The following GPC5 variants were observed in gnomAD, a reference collection of about 807,000 sequenced individuals.
GPC5 encodes the protein glypican 5.
GPC5 carries 47 observed loss-of-function variants against 53.9 expected under a neutral mutation model. That is an observed-to-expected ratio of 0.87 (90% CI 0.69 to 1.11). The LOEUF (loss-of-function observed/expected upper bound fraction) is 1.11. GPC5 is among the 50% of genes most tolerant of loss of function. The probability of loss-of-function intolerance (pLI) is 0.00; values close to 1 mark genes in which losing one functional copy is unlikely to be tolerated. For missense variants in GPC5, 748 were observed against 713.1 expected (o/e 1.05, Z -0.56); for synonymous variants, 286 against 263.3 (o/e 1.09, Z -0.84).
At chr13:92,280,753 C>T (rs539643778) in intron 7 of GPC5, among the ~76,000 whole-genome samples, 24 of 152,028 alleles carry the variant, frequency 1.6e-4, no homozygotes, top group South Asian at 1.5e-3. Context: ...GAAAATATGA[C>T]GGGGTGCGGG....
At chr13:92,405,730 T>C (rs921081790) in intron 7 of GPC5, among the ~76,000 whole-genome samples, 1 of 152,198 alleles carries the variant, frequency 6.6e-6, no homozygotes, top group East Asian at 1.9e-4. Flanking sequence ...ATTTAAAATC[T>C]CTAGACTCTC....
intron 5 of GPC5, among the ~76,000 whole-genome samples, chr13:91,804,365 C>G (rs2038186603): frequency 6.6e-6 from 1 of 152,194 alleles, no homozygotes; most frequent in Non-Finnish European, 1.5e-5. Flanking sequence ...CACTCATGGT[C>G]CTTGCTCCCC....
intron 2 of GPC5, among the ~76,000 whole-genome samples, chr13:91,537,446 T>C (rs937657796): frequency 3.3e-5 from 5 of 152,256 alleles, no homozygotes; most frequent in South Asian, 2.1e-4. Flanking sequence ...AAACAACTCC[T>C]ACAAAGATGC....
intron 5 of GPC5, among the ~76,000 whole-genome samples, chr13:91,758,105 G>A (rs1323183957): frequency 6.6e-6 from 1 of 152,018 alleles, no homozygotes; most frequent in African/African-American, 2.4e-5. Flanking sequence ...ATAATTGGCT[G>A]ATATGACTAG....
intron 2 of GPC5, among the ~76,000 whole-genome samples, chr13:91,687,693 T>C (rs2035652466): frequency 6.6e-6 from 1 of 152,020 alleles, no homozygotes; most frequent in Non-Finnish European, 1.5e-5. Context: ...TATTCTGATA[T>C]CACTGGAAAG....
chr13:91,966,770 T>TA (rs1379606711), intron 6 of GPC5, among the ~76,000 whole-genome samples: 2 of 152,174 alleles, frequency 1.3e-5, no homozygotes, highest in Admixed American at 1.3e-4. Context: ...CTGATTCACT[T>TA]AAAAACTGAC....
At chr13:92,393,289 A>AG (rs1333885019) in intron 7 of GPC5, among the ~76,000 whole-genome samples, 1 of 152,184 alleles carries the variant, frequency 6.6e-6, no homozygotes, top group Non-Finnish European at 1.5e-5. Flanking sequence ...TTAAAAAAAA[A>AG]CTAATACAGG....
intron 7 of GPC5, among the ~76,000 whole-genome samples, chr13:92,754,640 CCAAG>C (rs1240085868): frequency 6.6e-6 from 1 of 150,958 alleles, no homozygotes; most frequent in Non-Finnish European, 1.5e-5. Flanking sequence ...GGAAGATCTA[CCAAG>C]CAAATGGAAA....
At position 91,504,738 on chromosome 13, in the gene GPC5, G is replaced by C. The variant is rs181956240; in HGVS notation, c.325+55816G>C. ...TTTGGGAGGCTGAGGGAAGAAGATT[G>C]TTTGAGGCCAAGAGTTTGAAACCAG... On this transcript the variant is annotated intron_variant, in intron 2 of 7. Transcript: ENST00000377067. 2.1e-3 allele frequency among the ~76,000 whole-genome samples: 325 copies of C among 152,146 alleles called. 1 individual carries two copies. The highest frequency in any genetic ancestry group is 7.6e-3 in the African/African-American group (316 of 41,518).
intron 6 of GPC5, among the ~76,000 whole-genome samples, chr13:92,051,990 A>G (rs1395613593): frequency 6.6e-6 from 1 of 152,208 alleles, no homozygotes; most frequent in Non-Finnish European, 1.5e-5. Context: ...GCAAATGATC[A>G]ATTTTGAAAT....
chr13:92,471,158 A>G (rs186353661), intron 7 of GPC5, among the ~76,000 whole-genome samples: 30 of 152,268 alleles, frequency 2.0e-4, no homozygotes, highest in African/African-American at 7.2e-4. Flanking sequence ...ATTCTGATGT[A>G]AGTCCTATAG....
chr13:91,707,711 G>A (rs991438159), intron 3 of GPC5, among the ~76,000 whole-genome samples: 1 of 152,186 alleles, frequency 6.6e-6, no homozygotes, highest in Admixed American at 6.5e-5. Flanking sequence ...TGGAGGGAAT[G>A]TAAAATGCTG....
intron 7 of GPC5, among the ~76,000 whole-genome samples, chr13:92,354,991 A>T (rs1035933359): frequency 2.3e-5 from 1 of 43,942 alleles, no homozygotes; most frequent in Non-Finnish European, 3.9e-5. Flanking sequence ...TTTAATATAT[A>T]ATTTAATATT....
intron 2 of GPC5, among the ~76,000 whole-genome samples, chr13:91,614,785 A>T (rs1053183723): frequency 3.2e-4 from 49 of 152,302 alleles, no homozygotes; most frequent in African/African-American, 1.2e-3. Flanking sequence ...ACCGATGTTT[A>T]TAATGGCAAA....
intron 6 of GPC5, among the ~76,000 whole-genome samples, chr13:92,087,963 T>C (rs377671783): frequency 1.1e-4 from 17 of 150,962 alleles, no homozygotes; most frequent in African/African-American, 4.1e-4. Context: ...GAGATGGGGG[T>C]CTCGCTACAT....
intron 3 of GPC5, among the ~76,000 whole-genome samples, chr13:91,696,270 CAA>C (rs1012058560): frequency 3.9e-5 from 6 of 152,146 alleles, no homozygotes; most frequent in Non-Finnish European, 1.5e-5. Flanking sequence ...GCTGTATTTT[CAA>C]AGAGAGTGCT....
At chr13:92,206,162 T>A (rs71447390) in intron 7 of GPC5, among the ~76,000 whole-genome samples, 25 of 132,084 alleles carry the variant, frequency 1.9e-4, no homozygotes, top group Non-Finnish European at 3.4e-4. Context: ...TTTATTTTTT[T>A]TTTTATTTTT....
intron 6 of GPC5, among the ~76,000 whole-genome samples, chr13:92,093,376 G>A (rs1250600766): frequency 6.6e-6 from 1 of 151,980 alleles, no homozygotes; most frequent in Non-Finnish European, 1.5e-5. Flanking sequence ...CAGTCCTAAT[G>A]TTTGTATCTT....
intron 3 of GPC5, among the ~76,000 whole-genome samples, chr13:91,705,703 C>CG (rs949958090): frequency 2.7e-5 from 4 of 149,544 alleles, no homozygotes; most frequent in East Asian, 4.1e-4. Flanking sequence ...ACCCCCCCCC[C>CG]CATATTTCCA....
Sources: allele counts gnomAD v4.1 joint callset (sites outside exome capture counted in the v4.1 genomes callset), GRCh38; gene constraint gnomAD v4.1.1; transcripts MANE v1.5; gene names NCBI Gene and HGNC (gene_info 2026-07-23, HGNC 2026-07-21).